CALD1: variants seen among roughly 807,000 people sequenced by gnomAD.
CALD1 encodes the protein caldesmon 1.
Under a neutral mutation model 99.9 loss-of-function variants are expected in CALD1, and 33 were observed. That is an observed-to-expected ratio of 0.33 (90% CI 0.25 to 0.44). CALD1 has a LOEUF of 0.44. CALD1 is among the 20% of genes least tolerant of loss of function. The pLI is 1.00. For synonymous variants in CALD1, 310 were observed against 325.0 expected, an observed-to-expected ratio of 0.95 and a Z score of 0.50; for missense variants, 861 against 962.1, an observed-to-expected ratio of 0.89 and a Z score of 1.39.
chr7:134,738,125 C>T, the CALD1 span, among the ~76,000 whole-genome samples: 3 of 152,030 alleles, frequency 2.0e-5, no homozygotes, highest in Non-Finnish European at 4.4e-5. Flanking sequence ...TCATTTCCAC[C>T]CCCATCTTGT....
At chr7:134,770,077 C>T (rs1796864707) in intron 1 of CALD1, among the ~76,000 whole-genome samples, 1 of 152,036 alleles carries the variant, frequency 6.6e-6, no homozygotes, top group Admixed American at 6.6e-5. Flanking sequence ...TAGTTTAACT[C>T]TCACTTAATA....
At chr7:134,883,216 T>C (rs1586192798) in intron 3 of CALD1, among the ~76,000 whole-genome samples, 1 of 152,156 alleles carries the variant, frequency 6.6e-6, no homozygotes. Flanking sequence ...TTTGAAGTTA[T>C]CCTAGAAAGA....
chr7:134,899,940 C>T (rs1206747271), intron 3 of CALD1: 1 of 152,200 alleles, frequency 6.6e-6, no homozygotes, highest in East Asian at 1.9e-4. Context: ...AGTCACCACA[C>T]CCAGTCTGTT....
chr7:134,865,508 C>T (rs1221497802), intron 2 of CALD1, among the ~76,000 whole-genome samples: 1 of 152,186 alleles, frequency 6.6e-6, no homozygotes, highest in Non-Finnish European at 1.5e-5. Context: ...CTGGGTGCCC[C>T]CACATGTATA....
At chr7:134,711,724 G>T in the CALD1 span, among the ~76,000 whole-genome samples, 1 of 91,868 alleles carries the variant, frequency 1.1e-5, no homozygotes, top group African/African-American at 3.7e-5. Flanking sequence ...GTGTGTGTGT[G>T]TGTCTCTCTC....
At chr7:134,874,912 A>G (rs1801276661) in intron 3 of CALD1, among the ~76,000 whole-genome samples, 2 of 152,248 alleles carry the variant, frequency 1.3e-5, no homozygotes, top group Non-Finnish European at 2.9e-5. Context: ...GAAACAGCCA[A>G]TGAATGATTA....
At chr7:134,814,705 T>A (rs1362740078) in intron 1 of CALD1, among the ~76,000 whole-genome samples, 2 of 152,162 alleles carry the variant, frequency 1.3e-5, no homozygotes, top group East Asian at 3.9e-4. Flanking sequence ...AAGTGTTTGC[T>A]GTATCCAGAA....
intron 1 of CALD1, among the ~76,000 whole-genome samples, chr7:134,830,124 T>C (rs1026918241): frequency 2.6e-5 from 4 of 152,008 alleles, no homozygotes; most frequent in African/African-American, 9.7e-5. Context: ...TTGTGAGTTA[T>C]AGAGAGGAAA....
intron 1 of CALD1, among the ~76,000 whole-genome samples, chr7:134,761,743 C>T (rs962788054): frequency 3.3e-5 from 5 of 152,114 alleles, no homozygotes; most frequent in Non-Finnish European, 5.9e-5. Flanking sequence ...TGTAAGTGAA[C>T]ATTATAACAT....
intron 1 of CALD1, among the ~76,000 whole-genome samples, chr7:134,791,639 C>T (rs891154316): frequency 6.6e-6 from 1 of 151,920 alleles, no homozygotes; most frequent in African/African-American, 2.4e-5. Context: ...GAAGAGGCAT[C>T]ACTTAGTGTC....
intron 1 of CALD1, among the ~76,000 whole-genome samples, chr7:134,800,134 A>G (rs553725436): frequency 1.3e-5 from 2 of 152,306 alleles, no homozygotes; most frequent in South Asian, 4.1e-4. Context: ...CTAGACAATA[A>G]AAGTAAAAAT....
chr7:134,964,525 A>G (rs1195631988), intron 13 of CALD1, among the ~76,000 whole-genome samples: 1 of 152,152 alleles, frequency 6.6e-6, no homozygotes, highest in Non-Finnish European at 1.5e-5. Flanking sequence ...GGATGTTATA[A>G]TAACTCTCTC....
intron 1 of CALD1, among the ~76,000 whole-genome samples, chr7:134,838,451 A>G (rs1490712783): frequency 6.6e-6 from 1 of 152,252 alleles, no homozygotes; most frequent in Non-Finnish European, 1.5e-5. Flanking sequence ...AAAAGTGAGG[A>G]CAAGAAACAG....
At chr7:134,742,954 C>T (rs1382327377), upstream of CALD1, among the ~76,000 whole-genome samples, 1 of 152,180 alleles carries the variant, frequency 6.6e-6, no homozygotes, top group Non-Finnish European at 1.5e-5. Flanking sequence ...CCTGGGAACC[C>T]TCCCTGCCTA....
intron 1 of CALD1, among the ~76,000 whole-genome samples, chr7:134,793,819 A>G (rs147160701): frequency 7.1e-5 from 10 of 141,174 alleles, no homozygotes; most frequent in African/African-American, 2.0e-4. Context: ...TTTATGTACC[A>G]TTTTTTTTTT....
intron 3 of CALD1, among the ~76,000 whole-genome samples, chr7:134,910,859 T>A (rs937838995): frequency 6.6e-6 from 1 of 152,178 alleles, no homozygotes; most frequent in Non-Finnish European, 1.5e-5. Flanking sequence ...TGCATATAGT[T>A]GCAACATAAT....
chr7:134,958,883 A>ATATATATATATATTTAAC lies in CALD1; in HGVS notation c.2061+606_2061+607insTTAACTATATATATATAT, dbSNP rs1226801409. 1.5e-3 allele frequency among the ~76,000 whole-genome samples: 35 copies of ATATATATATATATTTAAC among 23,314 alleles called. 1 individual carries two copies. The highest frequency in any genetic ancestry group is 0.022 in the Middle Eastern group (1 of 46). 15.3% of individuals were successfully genotyped at this position (23,314 alleles called of 152,430 possible). ...TTTACTGGTATTTAAATATATATATATATATATATATATATATATATATAT... is the reference window on the plus strand; with the variant it reads ...TTTACTGGTATTTAAATATATATATATATATATATATATTTAACTATATATATATATATATATATATAT... On this transcript the variant is annotated intron_variant, in intron 11 of 14. Coordinates refer to ENST00000361675, the MANE Select transcript of CALD1 (RefSeq NM_033138.4).
chr7:134,767,460 A>G (rs1796837651), intron 1 of CALD1, among the ~76,000 whole-genome samples: 1 of 152,228 alleles, frequency 6.6e-6, no homozygotes, highest in Non-Finnish European at 1.5e-5. Flanking sequence ...AACCTCACCC[A>G]AAATAGATCA....
intron 3 of CALD1, among the ~76,000 whole-genome samples, chr7:134,907,899 G>A (rs1006962218): frequency 3.3e-5 from 5 of 152,128 alleles, no homozygotes; most frequent in South Asian, 2.1e-4. Flanking sequence ...GGAGTCAGGC[G>A]GTGGATGATA....
Sources: allele counts gnomAD v4.1 joint callset (sites outside exome capture counted in the v4.1 genomes callset), GRCh38; gene constraint gnomAD v4.1.1; transcripts MANE v1.5; gene names NCBI Gene and HGNC (gene_info 2026-07-23, HGNC 2026-07-21).